The following NDEL1 variants were observed in gnomAD, a reference collection of about 807,000 sequenced individuals.
NDEL1 encodes the protein nuclear distribution protein nudE-like 1.
NDEL1 carries 9 observed loss-of-function variants against 45.7 expected under a neutral mutation model. The observed-to-expected ratio is 0.20, with a 90% CI of 0.12 to 0.34. The LOEUF (loss-of-function observed/expected upper bound fraction) is 0.34. Ranked by LOEUF, NDEL1 falls within the 10% of genes least tolerant of loss-of-function variation. The pLI is 1.00. For missense variants in NDEL1, 306 were observed against 406.2 expected (o/e 0.75, Z 2.12); for synonymous variants, 133 against 158.6 (o/e 0.84, Z 1.21).
Position 8,446,844 on chromosome 17 carries a change from T to C in NDEL1, c.331T>C (p.Leu111=). 1 of 1,614,174 alleles carries C rather than the reference T, an allele frequency of 6.2e-7. No individual in the cohort carries two copies. The highest frequency in any genetic ancestry group is 8.5e-7 in the Non-Finnish European group (1 of 1,180,034). Residue 111 remains leucine, a synonymous_variant, in exon 4 of 9, where the codon TTG becomes CTG. Coordinates refer to ENST00000334527, the MANE Select transcript of NDEL1 (RefSeq NM_030808.5). ...TCAGACTCGGGCCATTAAGGAGCAG[T>C]TGCATAAGTATGTGAGAGAGCTGGA... is the stretch of plus-strand genomic sequence containing the variant. ...LSQTRAIKEQ[L]HKYVRELEQA...
chr17:8,436,042 G>C lies in NDEL1; in HGVS notation c.-16G>C, dbSNP rs1909307440. On this transcript the variant is annotated 5_prime_UTR_variant, in exon 1 of 9. Transcript: ENST00000334527. ...GGCGAACATGCGCTTTTGACACATTGGAGGTGAGCCTGCAGCGCGGGGCCG... is the reference window on the plus strand; with the variant it reads ...GGCGAACATGCGCTTTTGACACATTCGAGGTGAGCCTGCAGCGCGGGGCCG... 9.1e-6 allele frequency: 4 copies of C among 441,158 alleles called. No individual in the cohort carries two copies. The highest frequency in any genetic ancestry group is 1.8e-5 in the Non-Finnish European group (4 of 221,086). The allele number at this position is 441,158 out of a possible 1,614,324, so 27.3% of individuals were successfully genotyped here.
chr17:8,451,079 A>C, intron 6 of NDEL1, 126 bp downstream of exon 6: 2 of 754,628 alleles, frequency 2.7e-6, no homozygotes, highest in South Asian at 3.2e-5. Flanking sequence ...GTCTAGTGCT[A>C]TGTGAAATAG....
chr17:8,416,067 G>A (rs573503692), intron 1 of NDEL1, among the ~76,000 whole-genome samples: 25 of 152,190 alleles, frequency 1.6e-4, no homozygotes, highest in South Asian at 2.1e-4. Context: ...ATTTTTAAGC[G>A]TACAGTTCAG....
chr17:8,466,811 C>A (rs913252776), intron 8 of NDEL1, 119 bp from the exon 9 acceptor site: 2 of 1,006,606 alleles, frequency 2.0e-6, no homozygotes, highest in Non-Finnish European at 3.0e-6. Context: ...CCATCAGGAC[C>A]CTACAGCCTG....
At chr17:8,418,744 T>TTTCC (rs949594832) in intron 1 of NDEL1, among the ~76,000 whole-genome samples, 2 of 149,900 alleles carry the variant, frequency 1.3e-5, no homozygotes, top group Non-Finnish European at 3.0e-5. Flanking sequence ...TCCTTTGTTC[T>TTTCC]TTCCTTCCTT....
At chr17:8,468,346 T>C (rs1016930353), downstream of NDEL1, among the ~76,000 whole-genome samples, 3 of 152,224 alleles carry the variant, frequency 2.0e-5, no homozygotes, top group Admixed American at 6.5e-5. Flanking sequence ...TTCTTGGCAC[T>C]GGCTTCTGGG....
At chr17:8,460,639 T>A (rs1242372428) in intron 8 of NDEL1, among the ~76,000 whole-genome samples, 1 of 152,176 alleles carries the variant, frequency 6.6e-6, no homozygotes, top group Non-Finnish European at 1.5e-5. Flanking sequence ...AAGTTAAGGC[T>A]TTTTTGAAGA....
upstream of NDEL1, among the ~76,000 whole-genome samples, chr17:8,433,689 T>A (rs549646928): frequency 2.6e-5 from 4 of 152,338 alleles, no homozygotes; most frequent in African/African-American, 9.6e-5. Flanking sequence ...ACATTTATTT[T>A]ATTTTTTTAG....
At chr17:8,444,527 A>G in intron 2 of NDEL1, 170 bp downstream of exon 2, 1 of 562,062 alleles carries the variant, frequency 1.8e-6, no homozygotes, top group Non-Finnish European at 3.2e-6. Flanking sequence ...AATAGTGTAA[A>G]CATGCCATAA....
chr17:8,413,219 C>T (rs879341849), exon 1 of NDEL1: 9 of 152,386 alleles, frequency 5.9e-5, no homozygotes, highest in African/African-American at 7.2e-5. Flanking sequence ...CAGCGTGGGC[C>T]CCGTATGCTG....
chr17:8,458,130 C>T (rs1466751191), intron 7 of NDEL1, among the ~76,000 whole-genome samples: 1 of 151,904 alleles, frequency 6.6e-6, no homozygotes, highest in Non-Finnish European at 1.5e-5. Context: ...CTGTGGATGC[C>T]GTTCTGTCCT....
chr17:8,469,675 C>T (rs1206776571), downstream of NDEL1, among the ~76,000 whole-genome samples: 2 of 149,022 alleles, frequency 1.3e-5, no homozygotes, highest in African/African-American at 4.9e-5. Context: ...TCTAATTTAG[C>T]AGTGGGGGGT....
intron 3 of NDEL1, 29 bp from the exon 4 acceptor site, chr17:8,446,725 C>T (rs377743467): frequency 7.1e-5 from 115 of 1,609,540 alleles, no homozygotes; most frequent in Non-Finnish European, 9.3e-5. Context: ...ATATTAATGA[C>T]ATGTACTTTC....
intron 1 of NDEL1, among the ~76,000 whole-genome samples, chr17:8,425,308 C>T (rs1908804407): frequency 6.6e-6 from 1 of 152,244 alleles, no homozygotes; most frequent in Non-Finnish European, 1.5e-5. Flanking sequence ...TGAGGCCAGG[C>T]GCAGTGGCGC....
intron 1 of NDEL1, among the ~76,000 whole-genome samples, chr17:8,427,046 C>T (rs1908852998): frequency 6.6e-6 from 1 of 152,244 alleles, no homozygotes; most frequent in African/African-American, 2.4e-5. Flanking sequence ...CATTCTCAGG[C>T]ACAGTGGAAA....
At chr17:8,458,867 C>T (rs183476020) in intron 7 of NDEL1, among the ~76,000 whole-genome samples, 2 of 152,236 alleles carry the variant, frequency 1.3e-5, no homozygotes, top group East Asian at 1.9e-4. Flanking sequence ...GCTGGGATTA[C>T]AGGTGCATGC....
In NDEL1 at chr17:8,467,080, G is replaced by A. The variant is rs1911645722; in HGVS notation, c.*57G>A. 4 of 1,556,238 alleles carry A rather than the reference G, an allele frequency of 2.6e-6. No homozygotes were observed. The highest frequency in any genetic ancestry group is 1.4e-5 in the African/African-American group (1 of 73,776). ...TCCTCCAACAACCCAGGACACCCAC[G>A]CCTCACCCCTCGGTGCCTGGGCCCA... On this transcript the variant is annotated 3_prime_UTR_variant, in exon 9 of 9. Transcript: ENST00000334527. The surrounding 1 kb of genome is among the most constrained non-coding windows in gnomAD (Gnocchi z 6.3).
At chr17:8,472,905 G>A (rs1597568944), downstream of NDEL1, among the ~76,000 whole-genome samples, 1 of 152,258 alleles carries the variant, frequency 6.6e-6, no homozygotes, top group East Asian at 1.9e-4. Context: ...GAACCACACT[G>A]CTGCTGGGTA....
chr17:8,413,377 A>T (rs990492945), intron 1 of NDEL1: 1 of 152,370 alleles, frequency 6.6e-6, no homozygotes, highest in Non-Finnish European at 1.5e-5. Flanking sequence ...CTCTGTGCCC[A>T]TGAGGCAGGC....
Sources: gnomAD v4.1 joint callset for allele counts (sites outside exome capture counted in the v4.1 genomes callset) on GRCh38, gnomAD v4.1.1 for gene constraint, Gnocchi (gnomAD v3.1) non-coding constraint, MANE v1.5 for transcripts, NCBI Gene and HGNC (gene_info 2026-07-23, HGNC 2026-07-21) for gene names.